CD163L1: variants seen among roughly 807,000 people sequenced by gnomAD.
CD163L1 encodes scavenger receptor cysteine-rich type 1 protein M160.
A neutral mutation model predicts 165.4 loss-of-function variants in CD163L1; 124 were observed. The ratio of observed to expected loss-of-function variants is 0.75; its 90% CI spans 0.65 to 0.87. The LOEUF (loss-of-function observed/expected upper bound fraction) is 0.87, where lower values mean the gene tolerates loss of function less well. CD163L1 is among the 40% of genes least tolerant of loss of function. The pLI is 0.00. For synonymous variants in CD163L1, 585 were observed against 662.2 expected, an observed-to-expected ratio of 0.88 and a Z score of 1.79; for missense variants, 1,525 against 1,799.9, an observed-to-expected ratio of 0.85 and a Z score of 2.76.
chr12:7,324,122 C>A, the CD163L1 span: 1 of 913,170 alleles, frequency 1.1e-6, no homozygotes, highest in Non-Finnish European at 1.6e-6. Flanking sequence ...AGGCTGCAGG[C>A]TCCAGTCTAG....
chr12:7,328,004 A>G, the CD163L1 span, among the ~76,000 whole-genome samples: 3 of 152,186 alleles, frequency 2.0e-5, no homozygotes, highest in Non-Finnish European at 4.4e-5. Context: ...GTAGAAGCCT[A>G]GGACTAGTTT....
intron 8 of CD163L1, among the ~76,000 whole-genome samples, chr12:7,384,331 T>C (rs908110472): frequency 1.3e-5 from 2 of 152,092 alleles, no homozygotes. Context: ...TTCTGGGTGT[T>C]CCAGAAGGAG....
chr12:7,376,048 G>A (rs781267339), intron 9 of CD163L1, 34 bp from the exon 10 acceptor site: 2 of 1,576,232 alleles, frequency 1.3e-6, no homozygotes, highest in Non-Finnish European at 1.7e-6. Context: ...TAGTTTTTAG[G>A]GTTTTCCAAT....
At chr12:7,343,433 C>A (rs1274890829), downstream of CD163L1, among the ~76,000 whole-genome samples, 1 of 152,112 alleles carries the variant, frequency 6.6e-6, no homozygotes, top group African/African-American at 2.4e-5. Flanking sequence ...GATTTAATTA[C>A]CTCATGGTTC....
chr12:7,325,839 C>T, the CD163L1 span, among the ~76,000 whole-genome samples: 2 of 152,132 alleles, frequency 1.3e-5, no homozygotes, highest in Non-Finnish European at 2.9e-5. Flanking sequence ...AATTTCAAAA[C>T]AATTTGTCAG....
In CD163L1 at chr12:7,432,377, A is replaced by G; in HGVS notation, c.766+39T>C. The G allele has an allele frequency of 6.8e-7, 1 of 1,467,272 alleles. No individual in the cohort carries two copies. The allele number at this position is 1,467,272 out of a possible 1,614,324, so 90.9% of individuals were successfully genotyped here. On this transcript the variant is annotated intron_variant, in intron 4 of 19. Coordinates refer to ENST00000313599, the MANE Select transcript of CD163L1 (RefSeq NM_174941.6). This position sits in a 1 kb window ranked among gnomAD's most constrained non-coding sequence, Gnocchi z 4.2. Reference sequence around the variant, plus strand: ...TTTCCATACATACTGTTTCTAAACAAATTGTTCCTTTCTTCTACATGATGT... The same window carrying G: ...TTTCCATACATACTGTTTCTAAACAGATTGTTCCTTTCTTCTACATGATGT...
chr12:7,393,588 G>C (rs1289835772), intron 8 of CD163L1, among the ~76,000 whole-genome samples: 1 of 152,194 alleles, frequency 6.6e-6, no homozygotes, highest in African/African-American at 2.4e-5. Flanking sequence ...TCAGGCAAGA[G>C]AAAGAAATAA....
intron 8 of CD163L1, among the ~76,000 whole-genome samples, chr12:7,384,932 G>T (rs1947486481): frequency 6.7e-6 from 1 of 150,136 alleles, no homozygotes; most frequent in Admixed American, 6.6e-5. Context: ...AATGAGAGAA[G>T]AAAATAAAGG....
intron 18 of CD163L1, among the ~76,000 whole-genome samples, chr12:7,361,636 C>T (rs61936886): frequency 0.061 from 9,211 of 152,200 alleles, 375 homozygotes; most frequent in East Asian, 0.16. Context: ...CTTCCCCTGT[C>T]CTCTGGCCAG....
intron 2 of CD163L1, among the ~76,000 whole-genome samples, chr12:7,436,612 AT>A (rs751587846): frequency 1.8e-3 from 275 of 152,066 alleles, no homozygotes; most frequent in Middle Eastern, 6.8e-3. Context: ...CCTGTAAAAA[AT>A]TTTTTTTAAT....
the CD163L1 span, among the ~76,000 whole-genome samples, chr12:7,322,074 G>A: frequency 3.9e-5 from 6 of 152,286 alleles, no homozygotes; most frequent in East Asian, 1.9e-4. Flanking sequence ...ACAACATAGC[G>A]ACTGATCAAT....
At position 7,398,317 on chromosome 12, in the gene CD163L1, C is replaced by G; in HGVS notation, c.1676G>C (p.Gly559Ala). ...GTGTACACAATTATGCTTTCCCCAT[C>G]CACTGTGTTCACAGTCCCAGATATT... The part of the protein sequence containing the change: ...ESNIWDCEHS[G>A]WGKHNCVHRE... The change falls in exon 7 of 20, where the codon GGA becomes GCA. Residue 559 changes from glycine to alanine, a missense_variant. By Grantham distance (60) the Gly-to-Ala change is moderately conservative. Coordinates refer to ENST00000313599, the MANE Select transcript of CD163L1 (RefSeq NM_174941.6). This position sits in a 1 kb window ranked among gnomAD's most constrained non-coding sequence, Gnocchi z 4.5. 1 of 1,614,174 alleles carries G rather than the reference C, an allele frequency of 6.2e-7. No homozygotes were observed. Among genetic ancestry groups the G allele is most frequent in the Non-Finnish European group, 8.5e-7 (1 of 1,180,010 alleles).
chr12:7,375,369 C>G lies in CD163L1; in HGVS notation c.2913G>C (p.Gly971=). 5 of 1,614,138 alleles carry G rather than the reference C, an allele frequency of 3.1e-6. No individual in the cohort carries two copies. The highest frequency in any genetic ancestry group is 4.2e-6 in the Non-Finnish European group (5 of 1,180,002). The change falls in exon 11 of 20, where the codon GGG becomes GGC. Residue 971 remains glycine (G), a synonymous_variant. Transcript: ENST00000313599. ...RVWGHRFHCL[G]NESLLDNCQM... is the part of the protein sequence containing the mutation. ...GACAGTTATCCAGAAGTGACTCATTCCCTAAGCAATGAAACCTGTGTCCCC... is the reference window on the plus strand; with the variant it reads ...GACAGTTATCCAGAAGTGACTCATTGCCTAAGCAATGAAACCTGTGTCCCC...
Position 7,373,504 on chromosome 12 carries a change from C to T in CD163L1, c.3546G>A (p.Arg1182=), listed in dbSNP as rs770716204. 7 of 1,614,064 alleles carry T rather than the reference C, an allele frequency of 4.3e-6. No homozygotes were observed. The highest frequency in any genetic ancestry group is 1.1e-5 in the South Asian group (1 of 91,086). Residue 1182 remains arginine, a synonymous_variant, in exon 14 of 20, where the codon AGG becomes AGA. Coordinates refer to ENST00000313599, the MANE Select transcript of CD163L1 (RefSeq NM_174941.6). ...ITTAIAGIVC[R]QLGCGENGVV... ...CTCCATTCTCCCCACAGCCCAGCTG[C>T]CTGCACACAATGCCTGCTATGGCTG...
At chr12:7,401,125 G>A (rs536177568) in intron 6 of CD163L1, among the ~76,000 whole-genome samples, 9 of 152,106 alleles carry the variant, frequency 5.9e-5, no homozygotes, top group Non-Finnish European at 1.2e-4. Context: ...TCTGATAGGT[G>A]AGTGACCTGG....
chr12:7,386,694 C>T (rs768248341), intron 8 of CD163L1, among the ~76,000 whole-genome samples: 1 of 149,358 alleles, frequency 6.7e-6, no homozygotes, highest in East Asian at 1.9e-4. Context: ...AAAAGTGATA[C>T]ATTATATCAA....
the CD163L1 span, among the ~76,000 whole-genome samples, chr12:7,331,687 C>T: frequency 6.6e-6 from 1 of 152,234 alleles, no homozygotes; most frequent in African/African-American, 2.4e-5. Flanking sequence ...TGGAATGGAC[C>T]TCCAGCAAAT....
intron 4 of CD163L1, among the ~76,000 whole-genome samples, chr12:7,417,401 A>G (rs185574563): frequency 6.6e-6 from 1 of 152,100 alleles, no homozygotes; most frequent in Non-Finnish European, 1.5e-5. Context: ...GAATACCTTT[A>G]TTTCTTTCTC....
At chr12:7,399,251 C>G (rs769729003) in intron 6 of CD163L1, among the ~76,000 whole-genome samples, 1 of 146,384 alleles carries the variant, frequency 6.8e-6, no homozygotes, top group Non-Finnish European at 1.5e-5. Flanking sequence ...TTCTTTCTCT[C>G]TCTTCTTTCC....
Sources: gnomAD v4.1 joint callset for allele counts (sites outside exome capture counted in the v4.1 genomes callset) on GRCh38, gnomAD v4.1.1 for gene constraint, Gnocchi (gnomAD v3.1) non-coding constraint, MANE v1.5 for transcripts, NCBI Gene and HGNC (gene_info 2026-07-23, HGNC 2026-07-21) for gene names.